The following TBC1D8 variants were observed in gnomAD, a reference collection of about 807,000 sequenced individuals.
TBC1D8 encodes TBC1 domain family member 8.
Under a neutral mutation model 118.8 loss-of-function variants are expected in TBC1D8, and 65 were observed. The observed-to-expected ratio is 0.55, with a 90% CI of 0.45 to 0.67. The LOEUF is 0.67. Among genes scored for constraint, TBC1D8 ranks in the 30% least tolerant of loss-of-function variants. TBC1D8 has a pLI of 0.00. For missense variants in TBC1D8, 1,376 were observed against 1,471.2 expected (o/e 0.94, Z 1.06); for synonymous variants, 566 against 595.8 (o/e 0.95, Z 0.73).
chr2:101,019,179 A>G (rs915197907), intron 17 of TBC1D8: 3 of 1,171,760 alleles, frequency 2.6e-6, no homozygotes, highest in Non-Finnish European at 3.6e-6. Flanking sequence ...GGCCTGTTCT[A>G]CACGGCCGGG....
In TBC1D8 at chr2:101,050,636, G is replaced by A; in HGVS notation, c.637C>T (p.Leu213Phe). Reference protein sequence around the residue: ...YSFFLGKELKLVVPWVDIQKL... With the variant: ...YSFFLGKELKFVVPWVDIQKL... Reference sequence around the variant, plus strand: ...TGGATATCAACCCACGGAACCACAAGTTTAACTGTAAGAGAAAAGGGTGAA... The same window carrying A: ...TGGATATCAACCCACGGAACCACAAATTTAACTGTAAGAGAAAAGGGTGAA... The change falls in exon 5 of 20, where the codon CTT becomes TTT. Residue 213 changes from leucine (L) to phenylalanine (F), a missense_variant. Leu to Phe is a conservative substitution (Grantham distance 22, BLOSUM62 0). Transcript: ENST00000409318. 2 of 1,613,416 alleles carry A rather than the reference G, an allele frequency of 1.2e-6. No individual in the cohort carries two copies. The highest frequency in any genetic ancestry group is 1.7e-6 in the Non-Finnish European group (2 of 1,179,740).
intron 1 of TBC1D8, among the ~76,000 whole-genome samples, chr2:101,096,163 A>G (rs981040744): frequency 1.3e-5 from 2 of 152,170 alleles, no homozygotes; most frequent in Admixed American, 6.5e-5. Context: ...GGCTCAGACA[A>G]TTCTCCCACC....
At chr2:101,148,078 G>A (rs532913734) in intron 1 of TBC1D8, among the ~76,000 whole-genome samples, 205 of 152,224 alleles carry the variant, frequency 1.3e-3, no homozygotes, top group African/African-American at 4.7e-3. Flanking sequence ...ATCTGTGCCC[G>A]CCCTTTCTGG....
intron 1 of TBC1D8, among the ~76,000 whole-genome samples, chr2:101,135,416 A>AT (rs1242562256): frequency 6.6e-6 from 1 of 151,446 alleles, no homozygotes; most frequent in African/African-American, 2.4e-5. Flanking sequence ...AGCTCAACTA[A>AT]TAAAAAAAAA....
chr2:101,031,926 A>G (rs1352854542), intron 11 of TBC1D8, among the ~76,000 whole-genome samples: 1 of 151,762 alleles, frequency 6.6e-6, no homozygotes, highest in Non-Finnish European at 1.5e-5. Flanking sequence ...TCCATGTAAA[A>G]CCACCCTGGT....
In TBC1D8 at chr2:101,011,593, C is replaced by T. The variant is rs1018959915; in HGVS notation, c.2828-53G>A. 35 of 1,588,426 alleles carry T rather than the reference C, an allele frequency of 2.2e-5. No homozygotes were observed. In the African/African-American group the frequency reaches 4.6e-4, roughly 21 times the overall value. On this transcript the variant is annotated intron_variant, in intron 17 of 19. Transcript: ENST00000409318. ...AAACAAATTTTCTGCCTTACCAAAA[C>T]TGACAGTAATGTAGCTTTCTAGGCA... is the stretch of plus-strand genomic sequence containing the variant.
chr2:101,130,398 C>T (rs7561507), intron 1 of TBC1D8, among the ~76,000 whole-genome samples: 19,758 of 152,180 alleles, frequency 0.13, 1,442 homozygotes, highest in East Asian at 0.28. Context: ...CTCACCAAGT[C>T]GGACCCTAGT....
chr2:101,102,017 T>G (rs72822917), intron 1 of TBC1D8, among the ~76,000 whole-genome samples: 15,989 of 148,428 alleles, frequency 0.11, 1,100 homozygotes, highest in Non-Finnish European at 0.16. Flanking sequence ...GTTTTGTTGG[T>G]TTTTTTTAGA....
intron 1 of TBC1D8, among the ~76,000 whole-genome samples, chr2:101,091,199 C>T (rs905427864): frequency 1.3e-5 from 2 of 151,778 alleles, no homozygotes; most frequent in Admixed American, 6.6e-5. Context: ...GCAAGAGAAT[C>T]GCTTGATCCC....
intron 2 of TBC1D8, among the ~76,000 whole-genome samples, chr2:101,082,568 T>C (rs1675333582): frequency 6.6e-6 from 1 of 152,224 alleles, no homozygotes; most frequent in Admixed American, 6.5e-5. Context: ...GAAAGCCGAC[T>C]TACAATGGAA....
At chr2:101,074,956 A>G (rs986897353) in intron 2 of TBC1D8, among the ~76,000 whole-genome samples, 2 of 152,154 alleles carry the variant, frequency 1.3e-5, no homozygotes, top group South Asian at 2.1e-4. Context: ...TACGCATCAT[A>G]TATCAGTTAA....
At chr2:101,132,674 G>A (rs971454916) in intron 1 of TBC1D8, among the ~76,000 whole-genome samples, 3 of 152,060 alleles carry the variant, frequency 2.0e-5, no homozygotes, top group Admixed American at 6.6e-5. Context: ...CTGCAGCCTC[G>A]ACCTCTTCGG....
chr2:101,036,447 A>T (rs1681017959), intron 8 of TBC1D8, among the ~76,000 whole-genome samples: 1 of 152,024 alleles, frequency 6.6e-6, no homozygotes, highest in Non-Finnish European at 1.5e-5. Flanking sequence ...CAAGGCTGAT[A>T]ACAAGGGTAT....
At chr2:101,048,662 A>ATGAG (rs1399538653) in intron 5 of TBC1D8, among the ~76,000 whole-genome samples, 1 of 64,182 alleles carries the variant, frequency 1.6e-5, no homozygotes, top group Non-Finnish European at 3.5e-5. Flanking sequence ...TTCACAGGCC[A>ATGAG]TGAATGGACA....
chr2:101,096,679 A>G (rs1676467418), intron 1 of TBC1D8, among the ~76,000 whole-genome samples: 1 of 152,122 alleles, frequency 6.6e-6, no homozygotes. Flanking sequence ...AGGAAAAATG[A>G]AGACTGCCTT....
At position 101,079,094 on chromosome 2, in the gene TBC1D8, G is replaced by A. The variant is rs145957851; in HGVS notation, c.283+11115C>T. ...GAGCTCCAGGCAGCACAAAGTCATG[G>A]TGCCTCCGTGCTCATTCCCAATGTT... On this transcript the variant is annotated intron_variant, in intron 2 of 19. Transcript: ENST00000409318. 1.3e-5 allele frequency among the ~76,000 whole-genome samples: 2 copies of A among 152,266 alleles called. 1 individual carries two copies. Among genetic ancestry groups the A allele is most frequent in the East Asian group, 3.9e-4 (2 of 5,176 alleles).
chr2:101,141,178 T>A (rs1314337763), intron 1 of TBC1D8, among the ~76,000 whole-genome samples: 4 of 152,078 alleles, frequency 2.6e-5, no homozygotes, highest in African/African-American at 4.8e-5. Flanking sequence ...TATGCAATAA[T>A]TTCAGTTAGA....
intron 3 of TBC1D8, among the ~76,000 whole-genome samples, chr2:101,057,253 C>T (rs1481524477): frequency 6.6e-6 from 1 of 152,178 alleles, no homozygotes; most frequent in South Asian, 2.1e-4. Flanking sequence ...AGGACTTTGA[C>T]TCTCAGTCAC....
chr2:101,115,490 C>T (rs1489801823), intron 1 of TBC1D8, among the ~76,000 whole-genome samples: 1 of 152,176 alleles, frequency 6.6e-6, no homozygotes, highest in Non-Finnish European at 1.5e-5. Flanking sequence ...GTGGCTCATG[C>T]CTGTAATCCC....
Sources: allele counts gnomAD v4.1 joint callset (sites outside exome capture counted in the v4.1 genomes callset), GRCh38; gene constraint gnomAD v4.1.1; transcripts MANE v1.5; gene names NCBI Gene and HGNC (gene_info 2026-07-23, HGNC 2026-07-21).